Variants in EPB41L1 observed in about 807,000 individuals in gnomAD.
EPB41L1 encodes band 4.1-like protein 1.
Under a neutral mutation model 97.8 loss-of-function variants are expected in EPB41L1, and 29 were observed. The ratio of observed to expected loss-of-function variants is 0.30; its 90% CI spans 0.22 to 0.40. The LOEUF (loss-of-function observed/expected upper bound fraction) is 0.40. EPB41L1 is among the 10% of genes least tolerant of loss of function. The probability of loss-of-function intolerance (pLI) is 1.00; values close to 1 mark genes in which losing one functional copy is unlikely to be tolerated. For synonymous variants in EPB41L1, 383 were observed against 459.2 expected, an observed-to-expected ratio of 0.83 and a Z score of 2.12; for missense variants, 812 against 1,162.3, an observed-to-expected ratio of 0.70 and a Z score of 4.38.
intron 19 of EPB41L1, among the ~76,000 whole-genome samples, chr20:36,221,381 C>T (rs73905306): frequency 0.024 from 3,617 of 152,330 alleles, 141 homozygotes; most frequent in African/African-American, 0.083. Context: ...AACAAATCTG[C>T]ATTCAGCACT....
rs148531467 is a variant in EPB41L1, at chr20:36,189,797, C to A, written c.1027-480C>A. On this transcript the variant is annotated intron_variant, in intron 9 of 21. Transcript: ENST00000338074. ...CTACTAGAATCTTCTGCCTTGGTCT[C>A]CATGTATCTCTAGTGTTTAGCACTG... is the stretch of plus-strand genomic sequence containing the variant. Among the ~76,000 whole-genome samples, 891 of 152,332 alleles carry A rather than the reference C, an allele frequency of 5.8e-3. 7 individuals carry two copies. Among genetic ancestry groups the A allele is most frequent in the African/African-American group, 0.02 (843 of 41,578 alleles).
intron 2 of EPB41L1, among the ~76,000 whole-genome samples, chr20:36,120,926 C>T (rs1164803440): frequency 2.0e-5 from 3 of 152,024 alleles, no homozygotes; most frequent in African/African-American, 7.3e-5. Flanking sequence ...GCTCCACCTT[C>T]ACGAATGGGA....
chr20:36,174,298 G>T (rs150881960), intron 2 of EPB41L1, among the ~76,000 whole-genome samples: 154 of 150,304 alleles, frequency 1.0e-3, no homozygotes, highest in African/African-American at 3.6e-3. Context: ...TTGGAGTCTC[G>T]CCCTGTCACC....
chr20:36,148,073 C>T (rs922011542), intron 2 of EPB41L1, among the ~76,000 whole-genome samples: 1 of 152,130 alleles, frequency 6.6e-6, no homozygotes, highest in African/African-American at 2.4e-5. Context: ...GGGTGGACTC[C>T]TGACTCCTAC....
chr20:36,145,414 AG>A (rs1600570203), intron 2 of EPB41L1, among the ~76,000 whole-genome samples: 1 of 151,126 alleles, frequency 6.6e-6, no homozygotes. Context: ...AAAAAAAAAA[AG>A]AGTTCCCAGA....
At chr20:36,129,018 T>C (rs1569078311) in intron 2 of EPB41L1, among the ~76,000 whole-genome samples, 2 of 151,442 alleles carry the variant, frequency 1.3e-5, no homozygotes, top group African/African-American at 4.9e-5. Flanking sequence ...GGTGTGTGGG[T>C]GGGTGAATTT....
intron 1 of EPB41L1, among the ~76,000 whole-genome samples, chr20:36,157,430 A>G (rs1204320953): frequency 6.6e-6 from 1 of 152,218 alleles, no homozygotes; most frequent in African/African-American, 2.4e-5. Context: ...CAGAGAGGTT[A>G]TGTCACTGGA....
chr20:36,114,069 C>T (rs1196960940), intron 2 of EPB41L1, among the ~76,000 whole-genome samples: 1 of 152,176 alleles, frequency 6.6e-6, no homozygotes, highest in Non-Finnish European at 1.5e-5. Context: ...TCTAGAGCCC[C>T]ACATTCAAGT....
At position 36,092,593 on chromosome 20, in the gene EPB41L1, C is replaced by T. The variant is rs1326982127; in HGVS notation, c.-65+981C>T. ...TGGGGGGCCGGGATCGCCGCCGCCT[C>T]CTCCGGGGGAGCCGGCCGGGGCGGG... On this transcript the variant is annotated intron_variant, in intron 1 of 19. Coordinates refer to the EPB41L1 transcript ENST00000202028. This position sits in a 1 kb window ranked among gnomAD's most constrained non-coding sequence, Gnocchi z 7.0. 6.6e-6 allele frequency: 1 copy of T among 151,922 alleles called. No individual in the cohort carries two copies. The highest frequency in any genetic ancestry group is 2.4e-5 in the African/African-American group (1 of 41,384). The allele number at this position is 151,922 out of a possible 1,614,324, so 9.4% of individuals were successfully genotyped here.
chr20:36,229,449 CGTACT>C lies in EPB41L1; in HGVS notation c.*112_*116del. ...CGCAACACTGACGTCCCAGCTGCGACGTACTGTCACTGATGAGAGACTGGGAAGGG... is the reference window on the plus strand; with the variant it reads ...CGCAACACTGACGTCCCAGCTGCGACGTCACTGATGAGAGACTGGGAAGGG... On this transcript the variant is annotated 3_prime_UTR_variant, in exon 22 of 22. Transcript: ENST00000338074. 9.9e-7 allele frequency: 1 copy of C among 1,013,450 alleles called. No individual in the cohort carries two copies. The highest frequency in any genetic ancestry group is 1.6e-6 in the Non-Finnish European group (1 of 634,022). 62.8% of individuals were successfully genotyped at this position (1,013,450 alleles called of 1,614,324 possible).
chr20:36,186,842 G>A (rs916287523), intron 7 of EPB41L1, among the ~76,000 whole-genome samples: 10 of 152,168 alleles, frequency 6.6e-5, no homozygotes, highest in Admixed American at 5.9e-4. Flanking sequence ...GCAGCCCAGA[G>A]GTAGACAGGT....
chr20:36,211,199 C>T lies in EPB41L1; in HGVS notation c.2080-1073C>T, dbSNP rs2063111358. Among the ~76,000 whole-genome samples, 4 of 151,716 alleles carry T rather than the reference C, an allele frequency of 2.6e-5. No homozygotes were observed. The South Asian group carries it at 8.4e-4, about 32-fold the overall frequency. ...GTCAGGAGTTCAAGACCACCCTGAC[C>T]AACATGGTGAAACCTTGTCTCTACT... On this transcript the variant is annotated intron_variant, in intron 15 of 21. Transcript: ENST00000338074.
chr20:36,184,875 G>A (rs1227367179), intron 6 of EPB41L1, among the ~76,000 whole-genome samples: 1 of 152,194 alleles, frequency 6.6e-6, no homozygotes, highest in Non-Finnish European at 1.5e-5. Flanking sequence ...AATTGAAAAT[G>A]CTGTCATAAT....
In EPB41L1 at chr20:36,178,103, C is replaced by T. The variant is rs372294953; in HGVS notation, c.447+47C>T. The T allele has an allele frequency of 3.6e-5, 51 of 1,407,970 alleles. No homozygotes were observed. In the Middle Eastern group the frequency reaches 5.2e-4, roughly 14 times the overall value. The allele number at this position is 1,407,970 out of a possible 1,614,324, so 87.2% of individuals were successfully genotyped here. On this transcript the variant is annotated intron_variant, in intron 4 of 21. Transcript: ENST00000338074. ...GTGGGACCTGCTCTTCCGTTAGGCT[C>T]CTGTAATCCTGGCCACCCCCAACAG...
At chr20:36,200,881 G>A (rs774150178) in intron 14 of EPB41L1, 1 of 456,462 alleles carries the variant, frequency 2.2e-6, no homozygotes. Flanking sequence ...AGTCCCAGAG[G>A]ACCCAGGACA....
intron 5 of EPB41L1, among the ~76,000 whole-genome samples, chr20:36,179,645 A>G (rs927477880): frequency 6.6e-6 from 1 of 152,258 alleles, no homozygotes; most frequent in African/African-American, 2.4e-5. Context: ...CTCGAGGCAG[A>G]GATGCCTCCA....
At chr20:36,183,802 T>C (rs1455403086) in intron 6 of EPB41L1, among the ~76,000 whole-genome samples, 1 of 152,196 alleles carries the variant, frequency 6.6e-6, no homozygotes, top group Non-Finnish European at 1.5e-5. Context: ...GCCTGTGATG[T>C]TTGAGCTGCT....
At chr20:36,126,907 G>C (rs1215799667) in intron 2 of EPB41L1, among the ~76,000 whole-genome samples, 1 of 152,252 alleles carries the variant, frequency 6.6e-6, no homozygotes, top group Non-Finnish European at 1.5e-5. Flanking sequence ...CCACAGCTGG[G>C]CTTGGCCCAG....
At chr20:36,205,182 G>A (rs1248486519) in intron 14 of EPB41L1, among the ~76,000 whole-genome samples, 1 of 152,188 alleles carries the variant, frequency 6.6e-6, no homozygotes, top group African/African-American at 2.4e-5. Flanking sequence ...AGAAGCCCTT[G>A]TAGAAAGGTT....
Sources: gnomAD v4.1 joint callset for allele counts (sites outside exome capture counted in the v4.1 genomes callset) on GRCh38, gnomAD v4.1.1 for gene constraint, Gnocchi (gnomAD v3.1) non-coding constraint, MANE v1.5 for transcripts, NCBI Gene and HGNC (gene_info 2026-07-23, HGNC 2026-07-21) for gene names.